Variants in ABHD17B observed in about 807,000 individuals in gnomAD.
ABHD17B encodes abhydrolase domain containing 17B, depalmitoylase.
A neutral mutation model predicts 26.2 loss-of-function variants in ABHD17B; 9 were observed. The observed-to-expected ratio is 0.34, with a 90% CI of 0.21 to 0.60. The LOEUF is 0.60. Among genes scored for constraint, ABHD17B ranks in the 20% least tolerant of loss-of-function variants. The pLI is 0.80. For missense variants in ABHD17B, 224 were observed against 352.1 expected (o/e 0.64, Z 2.91); for synonymous variants, 127 against 122.3 (o/e 1.04, Z -0.25).
At chr9:71,884,062 C>A (rs376453118) in intron 1 of ABHD17B, among the ~76,000 whole-genome samples, 18 of 151,980 alleles carry the variant, frequency 1.2e-4, no homozygotes, top group African/African-American at 4.3e-4. Context: ...AACTCAAGAA[C>A]AATGGGCAAA....
chr9:71,871,548 C>A (rs529059330), intron 2 of ABHD17B, among the ~76,000 whole-genome samples: 1 of 152,288 alleles, frequency 6.6e-6, no homozygotes, highest in South Asian at 2.1e-4. Context: ...TTGCTGTCAG[C>A]TGAATATCAG....
At chr9:71,876,259 C>T (rs118174266) in intron 1 of ABHD17B, among the ~76,000 whole-genome samples, 1,649 of 152,234 alleles carry the variant, frequency 0.011, 14 homozygotes, top group Non-Finnish European at 0.017. Flanking sequence ...TACCACTTAC[C>T]GTTTGCCAGC....
chr9:71,902,337 C>A (rs973706357), intron 1 of ABHD17B: 3 of 152,118 alleles, frequency 2.0e-5, no homozygotes, highest in Admixed American at 6.5e-5. Flanking sequence ...AATGGAAAGC[C>A]ATTACCCTAG....
chr9:71,875,679 A>G (rs1266855731), intron 1 of ABHD17B, among the ~76,000 whole-genome samples: 1 of 152,232 alleles, frequency 6.6e-6, no homozygotes, highest in Non-Finnish European at 1.5e-5. Context: ...AATATTTGCC[A>G]TTTCTTTACA....
intron 1 of ABHD17B, among the ~76,000 whole-genome samples, chr9:71,889,774 G>T (rs1159312196): frequency 6.7e-6 from 1 of 149,954 alleles, no homozygotes; most frequent in Non-Finnish European, 1.5e-5. Flanking sequence ...AACAAAAAAT[G>T]ACCAAAACAA....
At chr9:71,894,741 C>T (rs1316915851) in intron 1 of ABHD17B, among the ~76,000 whole-genome samples, 1 of 152,004 alleles carries the variant, frequency 6.6e-6, no homozygotes, top group Non-Finnish European at 1.5e-5. Context: ...TAGGAGAATA[C>T]TTGAGCCCAG....
chr9:71,909,913 T>C (rs967733644), intron 1 of ABHD17B, among the ~76,000 whole-genome samples: 1 of 152,048 alleles, frequency 6.6e-6, no homozygotes, highest in Admixed American at 6.5e-5. Context: ...AAATACACTC[T>C]TTCCTTCACG....
intron 1 of ABHD17B, among the ~76,000 whole-genome samples, chr9:71,889,225 G>T (rs1417184368): frequency 6.6e-6 from 1 of 151,672 alleles, no homozygotes; most frequent in Non-Finnish European, 1.5e-5. Context: ...GCTGAGGCAG[G>T]TGAATCACTT....
At chr9:71,894,602 C>A (rs2132187480) in intron 1 of ABHD17B, among the ~76,000 whole-genome samples, 1 of 152,300 alleles carries the variant, frequency 6.6e-6, no homozygotes, top group Non-Finnish European at 1.5e-5. Context: ...AAGCTACCTT[C>A]TAAAAGCATG....
At chr9:71,864,435 G>A (rs570071556), downstream of ABHD17B, among the ~76,000 whole-genome samples, 3 of 151,888 alleles carry the variant, frequency 2.0e-5, no homozygotes, top group East Asian at 5.8e-4. Context: ...TAGCCAGGAT[G>A]GTCTCGATCT....
intron 1 of ABHD17B, among the ~76,000 whole-genome samples, chr9:71,896,730 A>G (rs1384839072): frequency 2.0e-5 from 3 of 152,146 alleles, no homozygotes. Flanking sequence ...TCTTCAAGAC[A>G]TAGGAGTGTC....
chr9:71,862,944 T>C (rs925194319), downstream of ABHD17B, among the ~76,000 whole-genome samples: 5 of 152,084 alleles, frequency 3.3e-5, no homozygotes, highest in Non-Finnish European at 7.4e-5. Context: ...CTGCTTAAAA[T>C]TCATTTTCAC....
Position 71,865,926 on chromosome 9 carries a change from A to G in ABHD17B, c.*861T>C, listed in dbSNP as rs112801047. The G allele has an allele frequency of 4.2e-3, 4,181 of 985,388 alleles. 18 individuals carry two copies. Among genetic ancestry groups the G allele is most frequent in the Middle Eastern group, 0.016 (31 of 1,914 alleles). The allele number at this position is 985,388 out of a possible 1,614,324, so 61.0% of individuals were successfully genotyped here. ...AGCCAGTCTGTTAGTGGTCTTTAAG[A>G]TCAACTCATGGACTTTCGGGATTTC... On this transcript the variant is annotated 3_prime_UTR_variant, in exon 4 of 4. Coordinates refer to ENST00000333421, the MANE Select transcript of ABHD17B (RefSeq NM_001025780.3).
At chr9:71,894,404 G>A (rs1027780897) in intron 1 of ABHD17B, among the ~76,000 whole-genome samples, 4 of 152,028 alleles carry the variant, frequency 2.6e-5, no homozygotes, top group African/African-American at 9.7e-5. Context: ...GGAGTGCAGT[G>A]GCACCATTTG....
intron 1 of ABHD17B, among the ~76,000 whole-genome samples, chr9:71,885,329 G>C (rs1035249018): frequency 6.6e-6 from 1 of 151,734 alleles, no homozygotes; most frequent in Admixed American, 6.6e-5. Context: ...GCGTGGAGGC[G>C]TACACCTGTC....
chr9:71,869,113 C>T (rs761012919), intron 3 of ABHD17B, among the ~76,000 whole-genome samples: 2 of 152,166 alleles, frequency 1.3e-5, no homozygotes, highest in East Asian at 1.9e-4. Context: ...ATCATTTTTA[C>T]CATTCAGCTA....
At chr9:71,880,521 T>C (rs1014173873) in intron 1 of ABHD17B, among the ~76,000 whole-genome samples, 1 of 151,862 alleles carries the variant, frequency 6.6e-6, no homozygotes, top group South Asian at 2.1e-4. Flanking sequence ...GACAAAACAA[T>C]ATGTTTGGTA....
At chr9:71,895,943 T>C (rs1325351567) in intron 1 of ABHD17B, among the ~76,000 whole-genome samples, 1 of 152,234 alleles carries the variant, frequency 6.6e-6, no homozygotes, top group Non-Finnish European at 1.5e-5. Flanking sequence ...AAATATTTAA[T>C]AACAGACTGA....
At chr9:71,882,615 G>A (rs1466429483) in intron 1 of ABHD17B, among the ~76,000 whole-genome samples, 3 of 150,374 alleles carry the variant, frequency 2.0e-5, no homozygotes, top group Non-Finnish European at 3.0e-5. Flanking sequence ...CTGAGATCGC[G>A]CCACTGCACT....
Sources: gnomAD v4.1 joint callset for allele counts (sites outside exome capture counted in the v4.1 genomes callset) on GRCh38, gnomAD v4.1.1 for gene constraint, MANE v1.5 for transcripts, NCBI Gene and HGNC (gene_info 2026-07-23, HGNC 2026-07-21) for gene names.